Variants in ANO10 observed in about 807,000 individuals in gnomAD.
ANO10 encodes the protein anoctamin-10.
Under a neutral mutation model 74.7 loss-of-function variants are expected in ANO10, and 77 were observed. That is an observed-to-expected ratio of 1.03 (90% CI 0.86 to 1.25). ANO10 has a LOEUF of 1.25. ANO10 is among the 50% of genes most tolerant of loss of function. The pLI is 0.00. For missense variants in ANO10, 721 were observed against 778.1 expected (o/e 0.93, Z 0.87); for synonymous variants, 279 against 284.9 (o/e 0.98, Z 0.21).
chr3:43,675,548 T>C (rs922286653), intron 1 of ANO10, among the ~76,000 whole-genome samples: 2 of 151,836 alleles, frequency 1.3e-5, no homozygotes, highest in Admixed American at 6.6e-5. Flanking sequence ...AGTTAGAAAA[T>C]GAGCAAAATA....
chr3:43,509,848 A>G (rs746505883), intron 11 of ANO10, among the ~76,000 whole-genome samples: 5 of 152,246 alleles, frequency 3.3e-5, no homozygotes, highest in Non-Finnish European at 7.3e-5. Context: ...TATATATACC[A>G]TAGATAATAA....
chr3:43,401,214 A>C (rs2092475399), intron 12 of ANO10, among the ~76,000 whole-genome samples: 1 of 152,224 alleles, frequency 6.6e-6, no homozygotes, highest in Non-Finnish European at 1.5e-5. Context: ...CACAGCATTT[A>C]TGAAGGACGT....
intron 11 of ANO10, among the ~76,000 whole-genome samples, chr3:43,527,036 AACACACACAC>A (rs56025632): frequency 1.4e-5 from 2 of 147,076 alleles, no homozygotes; most frequent in African/African-American, 2.5e-5. Flanking sequence ...ATGGATGTAA[AACACACACAC>A]ACACACACAC....
At chr3:43,523,826 G>A (rs921169532) in intron 11 of ANO10, among the ~76,000 whole-genome samples, 3 of 152,218 alleles carry the variant, frequency 2.0e-5, no homozygotes, top group East Asian at 1.9e-4. Flanking sequence ...AGCTCACCCA[G>A]GGGCTACAGA....
rs1042618681 is a variant in ANO10, at chr3:43,605,867, C to A, written c.-11-4G>T. ...GTCACTTTCATCTTTGACAAATCTG[C>A]GGAAAATTAAAATAAAGAGTGAAAA... On this transcript the variant is annotated splice_polypyrimidine_tract_variant and splice_region_variant and intron_variant, in intron 1 of 12. Transcript: ENST00000292246. 1.2e-6 allele frequency: 2 copies of A among 1,612,546 alleles called. No homozygotes were observed. Among genetic ancestry groups the A allele is most frequent in the Non-Finnish European group, 1.7e-6 (2 of 1,179,304 alleles).
intron 11 of ANO10, among the ~76,000 whole-genome samples, chr3:43,499,901 G>C (rs1038967623): frequency 6.6e-6 from 1 of 150,888 alleles, no homozygotes; most frequent in South Asian, 2.1e-4. Flanking sequence ...GCGTGACCTC[G>C]GCTCACTGCA....
intron 11 of ANO10, among the ~76,000 whole-genome samples, chr3:43,447,124 A>T (rs543581129): frequency 6.6e-6 from 1 of 152,258 alleles, no homozygotes; most frequent in African/African-American, 2.4e-5. Flanking sequence ...CATTTACACT[A>T]TTTCCAATAT....
intron 11 of ANO10, among the ~76,000 whole-genome samples, chr3:43,494,783 G>A (rs1379266452): frequency 4.6e-5 from 7 of 152,148 alleles, no homozygotes; most frequent in Admixed American, 4.6e-4. Flanking sequence ...ATAAGTCATT[G>A]ACAGAGACAG....
At chr3:43,548,006 G>GT (rs1483370803) in intron 11 of ANO10, among the ~76,000 whole-genome samples, 1 of 152,230 alleles carries the variant, frequency 6.6e-6, no homozygotes, top group Non-Finnish European at 1.5e-5. Flanking sequence ...GGTTTTCTGC[G>GT]TATTTCAGGA....
At chr3:43,440,198 T>C (rs1391775559) in intron 11 of ANO10, among the ~76,000 whole-genome samples, 1 of 152,096 alleles carries the variant, frequency 6.6e-6, no homozygotes, top group Non-Finnish European at 1.5e-5. Context: ...GTCTGCTCTA[T>C]CAGTAATTAC....
In ANO10 at chr3:43,657,980, T is replaced by C. The variant is rs143831188; in HGVS notation, c.-12+33537A>G. Among the ~76,000 whole-genome samples the C allele has an allele frequency of 5.8e-3, 890 of 152,340 alleles. 6 individuals carry two copies. The highest frequency in any genetic ancestry group is 0.02 in the African/African-American group (828 of 41,578). On this transcript the variant is annotated intron_variant, in intron 1 of 3. Coordinates refer to the ANO10 transcript ENST00000413397. ...TCTGGATGGCTTAATATTTTTTTCC[T>C]AGGGTTATAAATAAATATTTTAAAA...
intron 4 of ANO10, among the ~76,000 whole-genome samples, chr3:43,589,693 A>G (rs2081639963): frequency 6.6e-6 from 1 of 152,228 alleles, no homozygotes; most frequent in South Asian, 2.1e-4. Context: ...TAAAAGATGC[A>G]TATACCTTTG....
intron 1 of ANO10, among the ~76,000 whole-genome samples, chr3:43,653,850 C>T (rs930648477): frequency 6.6e-6 from 1 of 151,962 alleles, no homozygotes; most frequent in African/African-American, 2.4e-5. Flanking sequence ...ACAGAAGTTG[C>T]TTGAATGAAT....
At chr3:43,483,889 C>A (rs2076365486) in intron 11 of ANO10, among the ~76,000 whole-genome samples, 1 of 152,156 alleles carries the variant, frequency 6.6e-6, no homozygotes, top group African/African-American at 2.4e-5. Flanking sequence ...TGTTTAAAGA[C>A]AAAAGAAATG....
intron 11 of ANO10, among the ~76,000 whole-genome samples, chr3:43,512,580 T>A (rs1471192861): frequency 6.6e-6 from 1 of 152,102 alleles, no homozygotes; most frequent in Non-Finnish European, 1.5e-5. Flanking sequence ...CGTTTTGCAG[T>A]GGTGTGAACA....
intron 1 of ANO10, 97 bp from the exon 2 acceptor site, chr3:43,605,960 G>T: frequency 7.1e-7 from 1 of 1,417,258 alleles, no homozygotes; most frequent in Non-Finnish European, 9.7e-7. Context: ...ACCTAATTCT[G>T]GCTTCCAAGA....
chr3:43,593,421 C>T (rs954973236), intron 4 of ANO10, among the ~76,000 whole-genome samples: 3 of 152,180 alleles, frequency 2.0e-5, no homozygotes, highest in African/African-American at 4.8e-5. Flanking sequence ...TCAGCAGAAA[C>T]TCTACAAGCC....
intron 1 of ANO10, among the ~76,000 whole-genome samples, chr3:43,688,463 C>T (rs1463525341): frequency 6.6e-6 from 1 of 152,188 alleles, no homozygotes; most frequent in Admixed American, 6.5e-5. Flanking sequence ...TTCTGAGTAA[C>T]CCCAGTTTTG....
At position 43,576,743 on chromosome 3, in the gene ANO10, C is replaced by T. The variant is rs767603679; in HGVS notation, c.1111G>A (p.Glu371Lys). The T allele has an allele frequency of 6.2e-7, 1 of 1,614,138 alleles. No individual in the cohort carries two copies. Among genetic ancestry groups the T allele is most frequent in the East Asian group, 2.2e-5 (1 of 44,876 alleles). ...TATCGATAGAGACGATTCATGATCT[C>T]AATCACAATGGCATAGATGATGCTG... ...VPSIIYAIVI[E>K]IMNRLYRYAA... Residue 371 changes from glutamate (E) to lysine (K), a missense_variant, in exon 6 of 13, where the codon GAG becomes AAG. Coordinates refer to ENST00000292246, the MANE Select transcript of ANO10 (RefSeq NM_018075.5).
Sources: allele counts gnomAD v4.1 joint callset (sites outside exome capture counted in the v4.1 genomes callset), GRCh38; gene constraint gnomAD v4.1.1; transcripts MANE v1.5; gene names NCBI Gene and HGNC (gene_info 2026-07-23, HGNC 2026-07-21).